The following FRMPD4 variants were observed in gnomAD, a reference collection of about 807,000 sequenced individuals.
FRMPD4 encodes the protein FERM and PDZ domain-containing protein 4.
Under a neutral mutation model 94.1 loss-of-function variants are expected in FRMPD4, and 22 were observed. The ratio of observed to expected loss-of-function variants is 0.23; its 90% CI spans 0.17 to 0.33. The LOEUF is 0.33. Ranked by LOEUF, FRMPD4 falls within the 10% of genes least tolerant of loss-of-function variation. The pLI, the probability that FRMPD4 is intolerant of heterozygous loss-of-function variation, is 1.00. For missense variants in FRMPD4, 1,111 were observed against 1,339.9 expected (o/e 0.83, Z 2.67); for synonymous variants, 631 against 548.6 (o/e 1.15, Z -2.10).
At chrX:12,259,486 C>A (rs1176645384) in intron 1 of FRMPD4, among the ~76,000 whole-genome samples, 1 of 111,572 alleles carries the variant, frequency 9.0e-6, no homozygotes, top group Non-Finnish European at 1.9e-5. Flanking sequence ...GAGGGATCTT[C>A]CCCAGGAGCC....
At chrX:11,988,776 A>G (rs2054447920) in intron 3 of FRMPD4, among the ~76,000 whole-genome samples, 1 of 112,058 alleles carries the variant, frequency 8.9e-6, no homozygotes, top group African/African-American at 3.2e-5. Flanking sequence ...TAATAATCCA[A>G]TTTTAAAAAT....
chrX:12,338,991 CA>C (rs1569237395), intron 1 of FRMPD4, among the ~76,000 whole-genome samples: 1 of 111,780 alleles, frequency 8.9e-6, no homozygotes, highest in Non-Finnish European at 1.9e-5. Context: ...CCTAAAATGT[CA>C]AAAAGTTTTT....
intron 3 of FRMPD4, among the ~76,000 whole-genome samples, chrX:12,080,994 C>G (rs1440444595): frequency 8.9e-6 from 1 of 111,987 alleles, no homozygotes; most frequent in Admixed American, 9.5e-5. Context: ...TTATTTAAAG[C>G]TACCTACAGG....
chrX:11,947,935 C>A (rs749335938), intron 3 of FRMPD4, among the ~76,000 whole-genome samples: 5 of 107,675 alleles, frequency 4.6e-5, no homozygotes, highest in Non-Finnish European at 9.6e-5. Flanking sequence ...AAAAAAAATA[C>A]AAAAATTAGC....
At position 12,108,945 on chromosome X, in the gene FRMPD4, G is replaced by C. The variant is rs772033023; in HGVS notation, c.95+230927G>C. On this transcript the variant is annotated intron_variant, in intron 3 of 18. Transcript: ENST00000640291. ...AAGCAAGTCCTTAGAGATCTACAAA[G>C]AGACTTAGACTCCCACACAACAATA... Among the ~76,000 whole-genome samples, 11 of 111,656 alleles carry C rather than the reference G, an allele frequency of 9.9e-5. No homozygotes were observed. The South Asian group carries it at 4.2e-3, about 42-fold the overall frequency.
chrX:12,114,324 A>C (rs2055390371), intron 3 of FRMPD4, among the ~76,000 whole-genome samples: 1 of 110,756 alleles, frequency 9.0e-6, no homozygotes, highest in South Asian at 3.7e-4. Context: ...ATCTGTCTTT[A>C]GGATTTCTGT....
intron 1 of FRMPD4, among the ~76,000 whole-genome samples, chrX:12,432,328 T>C (rs942902251): frequency 2.7e-5 from 3 of 112,669 alleles, no homozygotes; most frequent in African/African-American, 9.7e-5. Flanking sequence ...TCCATTGTCA[T>C]GTAACAAATT....
chrX:11,919,685 A>G (rs1167441442), intron 3 of FRMPD4, among the ~76,000 whole-genome samples: 1 of 112,063 alleles, frequency 8.9e-6, no homozygotes, highest in Non-Finnish European at 1.9e-5. Flanking sequence ...AAACTAGTTT[A>G]TGTTTCAAAT....
intron 3 of FRMPD4, among the ~76,000 whole-genome samples, chrX:12,092,832 G>A (rs1290233955): frequency 9.0e-6 from 1 of 111,710 alleles, no homozygotes; most frequent in Non-Finnish European, 1.9e-5. Flanking sequence ...GACTTCTACA[G>A]TATGATGGAA....
intron 2 of FRMPD4, among the ~76,000 whole-genome samples, chrX:12,505,672 A>G (rs1314760632): frequency 1.0e-5 from 1 of 98,321 alleles, no homozygotes; most frequent in Non-Finnish European, 2.0e-5. Flanking sequence ...GGTTGCGGTG[A>G]GCCAAGATCG....
At chrX:12,042,637 C>T (rs1469449597) in intron 3 of FRMPD4, among the ~76,000 whole-genome samples, 2 of 111,218 alleles carry the variant, frequency 1.8e-5, no homozygotes, top group Non-Finnish European at 3.8e-5. Flanking sequence ...ACGTCTACCT[C>T]GGCTTTTACT....
intron 1 of FRMPD4, among the ~76,000 whole-genome samples, chrX:12,166,740 G>T (rs2056126338): frequency 9.0e-6 from 1 of 111,469 alleles, no homozygotes; most frequent in Non-Finnish European, 1.9e-5. Flanking sequence ...CCTGTTATTG[G>T]TCTATTAAGA....
At chrX:11,844,359 T>A (rs2053561186) in intron 1 of FRMPD4, among the ~76,000 whole-genome samples, 1 of 109,608 alleles carries the variant, frequency 9.1e-6, no homozygotes, top group South Asian at 3.8e-4. Flanking sequence ...TTTTGGAGGA[T>A]TTTTTTTTCT....
chrX:11,862,274 G>T (rs781740927), intron 1 of FRMPD4, among the ~76,000 whole-genome samples: 1 of 111,482 alleles, frequency 9.0e-6, no homozygotes, highest in Non-Finnish European at 1.9e-5. Flanking sequence ...GTTTCAGGTG[G>T]AAATGTAGTA....
chrX:12,025,859 C>T (rs2054657840), intron 3 of FRMPD4, among the ~76,000 whole-genome samples: 2 of 112,098 alleles, frequency 1.8e-5, no homozygotes, highest in African/African-American at 6.5e-5. Flanking sequence ...ACCTCAATTG[C>T]ACTCTTGTGA....
chrX:12,392,376 T>G (rs1839361345), intron 1 of FRMPD4, among the ~76,000 whole-genome samples: 1 of 97,889 alleles, frequency 1.0e-5, no homozygotes, highest in African/African-American at 3.6e-5. Flanking sequence ...CTAGGCTGGG[T>G]GCGGTGGCTC....
At chrX:12,714,372 A>G (rs1569071368) in intron 14 of FRMPD4, among the ~76,000 whole-genome samples, 1 of 111,348 alleles carries the variant, frequency 9.0e-6, no homozygotes, top group Non-Finnish European at 1.9e-5. Flanking sequence ...CTGTCTTCAC[A>G]TGGCCTTCCC....
intron 1 of FRMPD4, among the ~76,000 whole-genome samples, chrX:12,214,920 A>C (rs2147745961): frequency 8.9e-6 from 1 of 112,394 alleles, no homozygotes; most frequent in East Asian, 2.8e-4. Flanking sequence ...ATATAAATAT[A>C]AAATATGAAA....
chrX:12,451,895 G>A (rs956768823), intron 1 of FRMPD4, among the ~76,000 whole-genome samples: 5 of 109,785 alleles, frequency 4.6e-5, no homozygotes, highest in African/African-American at 1.7e-4. Flanking sequence ...CCTTCTCCTT[G>A]AACTTTTATC....
Sources: gnomAD v4.1 joint callset for allele counts (sites outside exome capture counted in the v4.1 genomes callset) on GRCh38, gnomAD v4.1.1 for gene constraint, MANE v1.5 for transcripts, NCBI Gene and HGNC (gene_info 2026-07-23, HGNC 2026-07-21) for gene names.